Variants in CA1 observed in about 807,000 individuals in gnomAD.
The protein encoded by CA1 is carbonic anhydrase 1.
CA1 carries 27 observed loss-of-function variants against 28.8 expected under a neutral mutation model. The observed-to-expected ratio is 0.94, with a 90% confidence interval of 0.69 to 1.29. The LOEUF (loss-of-function observed/expected upper bound fraction) is 1.29. CA1 is among the 50% of genes most tolerant of loss of function. The pLI, the probability that CA1 is intolerant of heterozygous loss-of-function variation, is 0.00. For missense variants in CA1, 335 were observed against 310.5 expected, an observed-to-expected ratio of 1.08 and a Z score of -0.59; for synonymous variants, 121 against 108.8, an observed-to-expected ratio of 1.11 and a Z score of -0.70.
At chr8:85,360,387 T>C (rs1053419268) in intron 1 of CA1, among the ~76,000 whole-genome samples, 1 of 152,178 alleles carries the variant, frequency 6.6e-6, no homozygotes, top group Non-Finnish European at 1.5e-5. Context: ...AGTAAAGCCT[T>C]TTTAGAAAAC....
Position 85,333,508 on chromosome 8 carries a change from A to G in CA1, c.450+17T>C, listed in dbSNP as rs375384029. Reference sequence around the variant, plus strand: ...TAAGACAGTGGAAGCAGAGCTGTGTAATTATCTGTAACTCACCTTCATCAA... The same window carrying G: ...TAAGACAGTGGAAGCAGAGCTGTGTGATTATCTGTAACTCACCTTCATCAA... On this transcript the variant is annotated intron_variant, in intron 5 of 7. Coordinates refer to ENST00000523022, the MANE Select transcript of CA1 (RefSeq NM_001128831.4). The G allele has an allele frequency of 2.7e-6, 4 of 1,495,026 alleles. No individual in the cohort carries two copies. The highest frequency in any genetic ancestry group is 3.7e-6 in the Non-Finnish European group (4 of 1,072,154). 92.6% of individuals were successfully genotyped at this position (1,495,026 alleles called of 1,614,324 possible).
chr8:85,357,312 G>T (rs762120347), intron 1 of CA1, among the ~76,000 whole-genome samples: 2 of 152,182 alleles, frequency 1.3e-5, no homozygotes, highest in African/African-American at 2.4e-5. Flanking sequence ...CTGGTAGGAA[G>T]ATCATCAGAT....
intron 1 of CA1, among the ~76,000 whole-genome samples, chr8:85,344,738 C>T (rs897055127): frequency 2.6e-5 from 4 of 152,216 alleles, no homozygotes; most frequent in East Asian, 1.9e-4. Flanking sequence ...TAGTTATGGA[C>T]GAGATCTGCT....
intron 1 of CA1, among the ~76,000 whole-genome samples, chr8:85,365,702 T>C (rs1809978837): frequency 6.6e-6 from 1 of 152,226 alleles, no homozygotes; most frequent in Non-Finnish European, 1.5e-5. Context: ...GGCTTGTTAA[T>C]TTATTTTTAA....
intron 1 of CA1, 110 bp from the exon 2 acceptor site, chr8:85,341,769 CATT>C (rs1455423618): frequency 4.5e-6 from 3 of 672,404 alleles, no homozygotes; most frequent in Non-Finnish European, 8.1e-6. Context: ...TTTAATAGGC[CATT>C]ATTTCATCAT....
intron 1 of CA1, among the ~76,000 whole-genome samples, chr8:85,363,577 A>T (rs1809884863): frequency 6.6e-6 from 1 of 152,168 alleles, no homozygotes; most frequent in African/African-American, 2.4e-5. Context: ...GCTTGGAGTT[A>T]TCTGTGTCTC....
chr8:85,332,808 A>G (rs1015867968), intron 5 of CA1, among the ~76,000 whole-genome samples: 9 of 152,192 alleles, frequency 5.9e-5, no homozygotes, highest in African/African-American at 1.7e-4. Context: ...AATATGTTCA[A>G]AGTTATACAG....
Position 85,328,245 on chromosome 8 carries a change from T to C in CA1, c.*315A>G, listed in dbSNP as rs1221409725. The C allele has an allele frequency of 5.2e-6, 1 of 190,534 alleles. No homozygotes were observed. Among genetic ancestry groups the C allele is most frequent in the Non-Finnish European group, 1.1e-5 (1 of 92,790 alleles). The allele number at this position is 190,534 out of a possible 1,614,324, so 11.8% of individuals were successfully genotyped here. On this transcript the variant is annotated 3_prime_UTR_variant, in exon 8 of 8. Transcript: ENST00000523022. ...CAACAGAAAGAAAGAGATAAAATTA[T>C]TTTATTGGTTCAAATAAACTGAAAA...
chr8:85,355,680 C>T (rs541461403), intron 1 of CA1, among the ~76,000 whole-genome samples: 1 of 150,924 alleles, frequency 6.6e-6, no homozygotes, highest in Admixed American at 6.6e-5. Context: ...GCATTATAGG[C>T]ATGAGCCACC....
intron 1 of CA1, among the ~76,000 whole-genome samples, chr8:85,366,781 G>T (rs141280342): frequency 1.6e-3 from 248 of 152,294 alleles, no homozygotes; most frequent in South Asian, 3.9e-3. Flanking sequence ...TGTAAAAAGT[G>T]AATTGAAGAG....
chr8:85,370,144 CTA>C (rs1488657748), intron 1 of CA1, among the ~76,000 whole-genome samples: 1 of 152,176 alleles, frequency 6.6e-6, no homozygotes, highest in Admixed American at 6.6e-5. Flanking sequence ...TTCTAGAGAA[CTA>C]GTGTTTGTTG....
chr8:85,343,196 C>T (rs1808997488), intron 1 of CA1: 1 of 151,692 alleles, frequency 6.6e-6, no homozygotes, highest in Non-Finnish European at 1.5e-5. Flanking sequence ...AGGTCCAGAC[C>T]AGCTTGGGCC....
chr8:85,375,744 A>G (rs1810391599), intron 1 of CA1, among the ~76,000 whole-genome samples: 1 of 152,200 alleles, frequency 6.6e-6, no homozygotes, highest in Non-Finnish European at 1.5e-5. Context: ...GAACAACTGT[A>G]TCCTGGCACA....
At chr8:85,344,222 A>T (rs536845470) in intron 1 of CA1, among the ~76,000 whole-genome samples, 4 of 36,736 alleles carry the variant, frequency 1.1e-4, no homozygotes, top group South Asian at 5.1e-4. Flanking sequence ...TAATTATATT[A>T]TATACAGTAT....
At chr8:85,337,232 G>A in intron 3 of CA1, 169 bp from the exon 4 acceptor site, 1 of 650,138 alleles carries the variant, frequency 1.5e-6, no homozygotes, top group South Asian at 1.6e-5. Flanking sequence ...ACAGTCATAT[G>A]TATGGTGCAC....
At chr8:85,361,693 AAAAAT>A (rs893864128) in intron 1 of CA1, among the ~76,000 whole-genome samples, 1 of 152,172 alleles carries the variant, frequency 6.6e-6, no homozygotes, top group Non-Finnish European at 1.5e-5. Context: ...GACTCTGTCA[AAAAAT>A]AAAATAAAAT....
At chr8:85,367,615 G>A (rs1172865848) in intron 1 of CA1, among the ~76,000 whole-genome samples, 1 of 152,208 alleles carries the variant, frequency 6.6e-6, no homozygotes, top group Non-Finnish European at 1.5e-5. Context: ...CTCACCTTCA[G>A]AGTTTCTGAT....
intron 1 of CA1, among the ~76,000 whole-genome samples, chr8:85,362,665 G>T (rs1418006987): frequency 1.3e-5 from 2 of 152,180 alleles, no homozygotes; most frequent in Non-Finnish European, 2.9e-5. Flanking sequence ...TAGGGGAAGA[G>T]CAAGGGGAGT....
At chr8:85,351,252 TG>T in intron 1 of CA1, among the ~76,000 whole-genome samples, 1 of 152,356 alleles carries the variant, frequency 6.6e-6, no homozygotes, top group Non-Finnish European at 1.5e-5. Context: ...CTTCTGGGTA[TG>T]GCACTCACTG....
Sources: allele counts gnomAD v4.1 joint callset (sites outside exome capture counted in the v4.1 genomes callset), GRCh38; gene constraint gnomAD v4.1.1; transcripts MANE v1.5; gene names NCBI Gene and HGNC (gene_info 2026-07-23, HGNC 2026-07-21).